Variants in PTPRK observed in about 807,000 individuals in gnomAD.
PTPRK encodes the protein protein tyrosine phosphatase receptor type K, also known as receptor-type tyrosine-protein phosphatase kappa.
PTPRK carries 75 observed loss-of-function variants against 178.0 expected under a neutral mutation model. The ratio of observed to expected loss-of-function variants is 0.42; its 90% CI spans 0.35 to 0.51. The LOEUF (loss-of-function observed/expected upper bound fraction) is 0.51. Among genes scored for constraint, PTPRK ranks in the 20% least tolerant of loss-of-function variants. The pLI, the probability that PTPRK is intolerant of heterozygous loss-of-function variation, is 0.02. For missense variants in PTPRK, 1,441 were observed against 1,797.8 expected, an observed-to-expected ratio of 0.80 and a Z score of 3.59; for synonymous variants, 637 against 620.6, an observed-to-expected ratio of 1.03 and a Z score of -0.39.
chr6:128,286,463 G>C (rs1822521602), intron 3 of PTPRK, among the ~76,000 whole-genome samples: 2 of 151,798 alleles, frequency 1.3e-5, no homozygotes, highest in South Asian at 4.1e-4. Context: ...GCTATGATTT[G>C]TATAGGAACT....
chr6:127,969,425 A>G lies in PTPRK; in HGVS notation c.*802T>C, dbSNP rs1221232282. 6.6e-6 allele frequency: 1 copy of G among 152,204 alleles called. No individual in the cohort carries two copies. Among genetic ancestry groups the G allele is most frequent in the African/African-American group, 2.4e-5 (1 of 41,460 alleles). 9.4% of individuals were successfully genotyped at this position (152,204 alleles called of 1,614,324 possible). A position where few individuals can be genotyped will look rare whatever the true frequency, so the allele number is the denominator to read the frequency against. ...TGTACACAAGAGAATCACTATAAAG[A>G]ACATTGCTTCCTGGTTTATGAATAA... On this transcript the variant is annotated 3_prime_UTR_variant, in exon 30 of 30. Transcript: ENST00000368226.
intron 1 of PTPRK, among the ~76,000 whole-genome samples, chr6:128,494,026 C>T (rs544024406): frequency 3.3e-5 from 5 of 152,042 alleles, no homozygotes; most frequent in Non-Finnish European, 7.4e-5. Flanking sequence ...CATTGGTTAA[C>T]GTTAAATATA....
intron 1 of PTPRK, chr6:128,491,807 GCAGAACAA>G (rs1230794644): frequency 1.2e-5 from 6 of 517,912 alleles, no homozygotes; most frequent in African/African-American, 1.2e-4. Flanking sequence ...GCAGACAGCA[GCAGAACAA>G]CAGCAGCAAA....
intron 1 of PTPRK, among the ~76,000 whole-genome samples, chr6:128,460,478 G>A (rs1271101464): frequency 1.3e-5 from 2 of 151,912 alleles, no homozygotes; most frequent in African/African-American, 2.4e-5. Context: ...GGAGGTTGAG[G>A]CTGCAGTGAG....
intron 2 of PTPRK, among the ~76,000 whole-genome samples, chr6:128,375,367 C>T (rs1488211129): frequency 6.6e-6 from 1 of 151,576 alleles, no homozygotes; most frequent in Non-Finnish European, 1.5e-5. Context: ...ACATGGATGG[C>T]AGCAGGCAAA....
chr6:128,154,194 ATAAT>A (rs1797667812), intron 7 of PTPRK, among the ~76,000 whole-genome samples: 1 of 151,730 alleles, frequency 6.6e-6, no homozygotes, highest in East Asian at 1.9e-4. Context: ...CTGTTAATAA[ATAAT>A]TGATATATAT....
chr6:128,518,839 G>T (rs557191697), intron 1 of PTPRK: 9 of 363,072 alleles, frequency 2.5e-5, no homozygotes, highest in African/African-American at 1.7e-4. Flanking sequence ...GACACATGCT[G>T]CCACCTGAAT....
chr6:127,983,242 C>T lies in PTPRK; in HGVS notation c.3387G>A (p.Glu1129=). 1 of 1,605,032 alleles carries T rather than the reference C, an allele frequency of 6.2e-7. No individual in the cohort carries two copies. Among genetic ancestry groups the T allele is most frequent in the Non-Finnish European group, 8.5e-7 (1 of 1,175,994 alleles). The stretch of plus-strand genomic sequence containing the variant: ...GTCCACTACAGGTAAATCTACATAC[C>T]TCTGTCTGGACCATATTAATACGCC... ...RSRRINMVQT[E]EQYIFIHDAI... Residue 1129 remains glutamate (E), a splice_region_variant and synonymous_variant, in exon 23 of 30, where the codon GAG becomes GAA. Coordinates refer to ENST00000368226, the MANE Select transcript of PTPRK (RefSeq NM_002844.4).
intron 2 of PTPRK, among the ~76,000 whole-genome samples, chr6:128,366,085 C>G (rs1351582499): frequency 2.0e-5 from 3 of 152,068 alleles, no homozygotes; most frequent in Non-Finnish European, 4.4e-5. Context: ...TGAACTAGCC[C>G]TTACCATTAG....
intron 1 of PTPRK, among the ~76,000 whole-genome samples, chr6:128,457,363 A>C (rs1848529367): frequency 6.6e-6 from 1 of 152,136 alleles, no homozygotes; most frequent in Non-Finnish European, 1.5e-5. Context: ...AACCAAGTTC[A>C]GAATAAATCA....
At chr6:128,446,575 G>A (rs1037889997) in intron 1 of PTPRK, among the ~76,000 whole-genome samples, 2 of 152,126 alleles carry the variant, frequency 1.3e-5, no homozygotes, top group Non-Finnish European at 2.9e-5. Flanking sequence ...ATGTGTAAAC[G>A]AGCAGATCTG....
At chr6:128,319,644 A>G (rs1828513515) in intron 3 of PTPRK, among the ~76,000 whole-genome samples, 1 of 152,132 alleles carries the variant, frequency 6.6e-6, no homozygotes, top group Admixed American at 6.6e-5. Context: ...TCAGCACCTA[A>G]AACACCAATC....
In PTPRK at chr6:128,128,911, A is replaced by G. The variant is rs1793791915; in HGVS notation, c.1163-38919T>C. Among the ~76,000 whole-genome samples the G allele has an allele frequency of 2.0e-5, 3 of 152,358 alleles. No individual in the cohort carries two copies. The South Asian group carries it at 6.2e-4, about 32-fold the overall frequency. Reference sequence around the variant, plus strand: ...GATGATAAATGAGTGCTGCACAGAAATGACATGAACCAATACTTCAATGTA... The same window carrying G: ...GATGATAAATGAGTGCTGCACAGAAGTGACATGAACCAATACTTCAATGTA... On this transcript the variant is annotated intron_variant, in intron 7 of 29. Coordinates refer to ENST00000368226, the MANE Select transcript of PTPRK (RefSeq NM_002844.4).
At chr6:128,162,191 C>T (rs987071958) in intron 7 of PTPRK, among the ~76,000 whole-genome samples, 5 of 151,608 alleles carry the variant, frequency 3.3e-5, no homozygotes, top group African/African-American at 9.7e-5. Flanking sequence ...TTACATTTTA[C>T]AAGCAGATGA....
intron 13 of PTPRK, among the ~76,000 whole-genome samples, chr6:128,036,937 G>C (rs541636518): frequency 6.6e-6 from 1 of 152,010 alleles, no homozygotes; most frequent in Non-Finnish European, 1.5e-5. Flanking sequence ...TCACCACGTT[G>C]GCCAGAATGC....
chr6:128,451,491 G>A (rs1266689399), intron 1 of PTPRK, among the ~76,000 whole-genome samples: 1 of 151,742 alleles, frequency 6.6e-6, no homozygotes, highest in Non-Finnish European at 1.5e-5. Flanking sequence ...ATTTGTGTGG[G>A]GTGAGTTTTT....
chr6:128,184,930 T>C (rs539170050), intron 6 of PTPRK, among the ~76,000 whole-genome samples: 6 of 152,234 alleles, frequency 3.9e-5, no homozygotes, highest in African/African-American at 1.2e-4. Context: ...TATTTTAACA[T>C]AATTTTCCTG....
intron 6 of PTPRK, among the ~76,000 whole-genome samples, chr6:128,205,300 G>C (rs771822940): frequency 6.6e-6 from 1 of 151,930 alleles, no homozygotes; most frequent in East Asian, 1.9e-4. Context: ...CAGGAAGAGC[G>C]GCTAATGGAT....
chr6:128,214,213 C>G (rs1454273902), intron 6 of PTPRK, among the ~76,000 whole-genome samples: 1 of 152,122 alleles, frequency 6.6e-6, no homozygotes, highest in Admixed American at 6.6e-5. Context: ...TGCTTTCCTT[C>G]TTCATATGCA....
Sources: allele counts gnomAD v4.1 joint callset (sites outside exome capture counted in the v4.1 genomes callset), GRCh38; gene constraint gnomAD v4.1.1; transcripts MANE v1.5; gene names NCBI Gene and HGNC (gene_info 2026-07-23, HGNC 2026-07-21).